ASIC2: variants seen among roughly 807,000 people sequenced by gnomAD.
ASIC2 encodes acid-sensing ion channel 2.
ASIC2 carries 25 observed loss-of-function variants against 57.3 expected under a neutral mutation model. The observed-to-expected ratio is 0.44, with a 90% confidence interval of 0.32 to 0.61. The LOEUF (loss-of-function observed/expected upper bound fraction) is 0.61, where lower values mean the gene tolerates loss of function less well. Ranked by LOEUF, ASIC2 falls within the 20% of genes least tolerant of loss-of-function variation. The pLI, the probability that ASIC2 is intolerant of heterozygous loss-of-function variation, is 0.06. For synonymous variants in ASIC2, 319 were observed against 307.5 expected (o/e 1.04, Z -0.39); for missense variants, 641 against 738.1 (o/e 0.87, Z 1.52).
chr17:33,496,004 T>C (rs1913919377), intron 1 of ASIC2, among the ~76,000 whole-genome samples: 2 of 151,984 alleles, frequency 1.3e-5, no homozygotes, highest in Admixed American at 6.6e-5. Flanking sequence ...CAGAGGCAGA[T>C]TGAACCCAGA....
At chr17:34,076,921 G>A (rs1311274155) in intron 1 of ASIC2, among the ~76,000 whole-genome samples, 3 of 152,234 alleles carry the variant, frequency 2.0e-5, no homozygotes, top group African/African-American at 7.2e-5. Flanking sequence ...TATTGTGGGT[G>A]GCTTAGCGCA....
chr17:33,633,871 C>T (rs1906257714), intron 1 of ASIC2, among the ~76,000 whole-genome samples: 1 of 152,202 alleles, frequency 6.6e-6, no homozygotes, highest in Admixed American at 6.5e-5. Context: ...GACCCTGAGA[C>T]CCTGCCTCTT....
chr17:33,285,344 T>C (rs995859152), intron 1 of ASIC2, among the ~76,000 whole-genome samples: 9 of 152,240 alleles, frequency 5.9e-5, no homozygotes, highest in South Asian at 4.1e-4. Context: ...TATAAATGTC[T>C]ATTTAATCAC....
chr17:33,311,376 G>A (rs952606046), intron 1 of ASIC2, among the ~76,000 whole-genome samples: 3 of 151,848 alleles, frequency 2.0e-5, no homozygotes, highest in African/African-American at 7.3e-5. Context: ...GTACATTCTG[G>A]TTGCTCCTAG....
chr17:33,574,820 T>C (rs1370577489), intron 1 of ASIC2, among the ~76,000 whole-genome samples: 1 of 151,378 alleles, frequency 6.6e-6, no homozygotes, highest in Non-Finnish European at 1.5e-5. Flanking sequence ...TTATTGTGTC[T>C]GAAGAGCTAG....
At chr17:33,623,469 A>G (rs903567005) in intron 1 of ASIC2, 2 of 150,418 alleles carry the variant, frequency 1.3e-5, no homozygotes, top group African/African-American at 2.5e-5. Flanking sequence ...GGGTTTCACC[A>G]TATTGGCCAG....
intron 1 of ASIC2, among the ~76,000 whole-genome samples, chr17:34,022,031 G>T (rs959048687): frequency 1.3e-5 from 2 of 152,034 alleles, no homozygotes; most frequent in African/African-American, 2.4e-5. Flanking sequence ...TAGAGACGGG[G>T]TTTCACCATG....
chr17:33,672,739 C>T (rs1907677903), intron 1 of ASIC2, among the ~76,000 whole-genome samples: 1 of 152,110 alleles, frequency 6.6e-6, no homozygotes, highest in African/African-American at 2.4e-5. Context: ...TCAAGTTCTC[C>T]TTATAGGACC....
At chr17:33,531,150 T>C (rs1306676197) in intron 1 of ASIC2, among the ~76,000 whole-genome samples, 1 of 152,078 alleles carries the variant, frequency 6.6e-6, no homozygotes, top group Non-Finnish European at 1.5e-5. Flanking sequence ...CCTCGATCAG[T>C]AGAAAGAGTT....
chr17:33,373,764 G>A (rs896043216), intron 1 of ASIC2, among the ~76,000 whole-genome samples: 2 of 151,726 alleles, frequency 1.3e-5, no homozygotes, highest in Admixed American at 1.3e-4. Flanking sequence ...TGCAATCTCC[G>A]CCTCCTGGGT....
intron 1 of ASIC2, among the ~76,000 whole-genome samples, chr17:33,818,802 C>T (rs2141891519): frequency 6.6e-6 from 1 of 152,358 alleles, no homozygotes; most frequent in Non-Finnish European, 1.5e-5. Flanking sequence ...CCCCCAATTT[C>T]ACTTGCCATT....
chr17:33,562,145 C>T (rs865963102), intron 1 of ASIC2, among the ~76,000 whole-genome samples: 26 of 152,300 alleles, frequency 1.7e-4, no homozygotes, highest in Admixed American at 3.9e-4. Context: ...TTTGTGAAAC[C>T]CTCTTCAACT....
intron 1 of ASIC2, among the ~76,000 whole-genome samples, chr17:33,709,856 C>T (rs189493558): frequency 6.6e-6 from 1 of 152,292 alleles, no homozygotes; most frequent in Non-Finnish European, 1.5e-5. Flanking sequence ...AGCACCTATT[C>T]CTTTATCTGT....
chr17:34,086,997 T>C (rs2142083962), intron 1 of ASIC2, among the ~76,000 whole-genome samples: 1 of 152,328 alleles, frequency 6.6e-6, no homozygotes, highest in Non-Finnish European at 1.5e-5. Context: ...TTATCCAATT[T>C]GCCAGTCTGT....
At chr17:33,345,905 C>T (rs1197502048) in intron 1 of ASIC2, among the ~76,000 whole-genome samples, 1 of 151,898 alleles carries the variant, frequency 6.6e-6, no homozygotes, top group Non-Finnish European at 1.5e-5. Context: ...ATGATGGTGG[C>T]TTGGAGTAAG....
At chr17:33,872,252 C>T (rs907285987) in intron 1 of ASIC2, among the ~76,000 whole-genome samples, 2 of 152,080 alleles carry the variant, frequency 1.3e-5, no homozygotes, top group Non-Finnish European at 2.9e-5. Context: ...ACAGACCTTA[C>T]GCCACAGAAC....
intron 1 of ASIC2, among the ~76,000 whole-genome samples, chr17:34,029,119 G>T (rs185282294): frequency 2.0e-5 from 3 of 151,632 alleles, no homozygotes; most frequent in Admixed American, 2.0e-4. Flanking sequence ...ACTATTCCTC[G>T]CTATGTGGCA....
chr17:33,865,763 AAAAAAAAAC>A (rs1424859118), intron 1 of ASIC2, among the ~76,000 whole-genome samples: 31 of 79,952 alleles, frequency 3.9e-4, no homozygotes, highest in African/African-American at 1.5e-3. Context: ...AAAAAATAAA[AAAAAAAAAC>A]AAAAAAAAAA....
intron 1 of ASIC2, among the ~76,000 whole-genome samples, chr17:33,156,498 C>T (rs1905006628): frequency 6.6e-6 from 1 of 152,072 alleles, no homozygotes; most frequent in South Asian, 2.1e-4. Context: ...TGGCTCACAC[C>T]TGTAATCCCA....
Sources: gnomAD v4.1 joint callset for allele counts (sites outside exome capture counted in the v4.1 genomes callset) on GRCh38, gnomAD v4.1.1 for gene constraint, MANE v1.5 for transcripts, NCBI Gene and HGNC (gene_info 2026-07-23, HGNC 2026-07-21) for gene names.